The following UBN1 variants were observed in gnomAD, a reference collection of about 807,000 sequenced individuals.
The protein encoded by UBN1 is ubinuclein 1, also known as ubinuclein-1.
UBN1 carries 17 observed loss-of-function variants against 108.5 expected under a neutral mutation model. That is an observed-to-expected ratio of 0.16 (90% CI 0.11 to 0.24). The LOEUF is 0.24. Ranked by LOEUF, UBN1 falls within the 10% of genes least tolerant of loss-of-function variation. UBN1 has a pLI of 1.00. For missense variants in UBN1, 1,595 were observed against 1,394.4 expected (o/e 1.14, Z -2.29); for synonymous variants, 726 against 564.2 (o/e 1.29, Z -4.07).
At chr16:4,866,404 A>G (rs1222940881) in intron 7 of UBN1, among the ~76,000 whole-genome samples, 2 of 152,240 alleles carry the variant, frequency 1.3e-5, no homozygotes. Context: ...GCCGTTTTAC[A>G]GTAGTATCTT....
In UBN1 at chr16:4,877,225, A is replaced by G; in HGVS notation, c.3265+114A>G. ...TGAGTCTGGTGTGTGACTGTGGGGAACATCTCCGGGAACTGTGCCAAGCCC... is the reference window on the plus strand; with the variant it reads ...TGAGTCTGGTGTGTGACTGTGGGGAGCATCTCCGGGAACTGTGCCAAGCCC... On this transcript the variant is annotated intron_variant, in intron 16 of 17. Transcript: ENST00000262376. This position sits in a 1 kb window ranked among gnomAD's most constrained non-coding sequence, Gnocchi z 4.3. 3.3e-6 allele frequency: 5 copies of G among 1,515,308 alleles called. No homozygotes were observed. The highest frequency in any genetic ancestry group is 1.3e-5 in the South Asian group (1 of 76,964). 93.9% of individuals were successfully genotyped at this position (1,515,308 alleles called of 1,614,324 possible).
rs1270662413 is a variant in UBN1 at position 4,872,871 on chromosome 16, C to G, written c.1707-13C>G. The G allele has an allele frequency of 1.9e-6, 3 of 1,614,086 alleles. No homozygotes were observed. Among genetic ancestry groups the G allele is most frequent in the African/African-American group, 2.7e-5 (2 of 74,930 alleles). On this transcript the variant is annotated splice_polypyrimidine_tract_variant and intron_variant, in intron 12 of 17. Coordinates refer to ENST00000262376, the MANE Select transcript of UBN1 (RefSeq NM_001079514.3). Reference sequence around the variant, plus strand: ...GGGGCATGTACAGATGCCTGGTGTTCTGTGTCTTTCAGAACTCTGTTTAAG... The same window carrying G: ...GGGGCATGTACAGATGCCTGGTGTTGTGTGTCTTTCAGAACTCTGTTTAAG...
rs12444761 is a variant in UBN1 at position 4,877,284 on chromosome 16, C to A, written c.3266-101C>A. The A allele has an allele frequency of 2.3e-5, 35 of 1,529,328 alleles. No homozygotes were observed. The highest frequency in any genetic ancestry group is 3.1e-5 in the Non-Finnish European group (35 of 1,133,098). 94.7% of individuals were successfully genotyped at this position (1,529,328 alleles called of 1,614,324 possible). A position where few individuals can be genotyped will look rare whatever the true frequency, so the allele number is the denominator to read the frequency against. On this transcript the variant is annotated intron_variant, in intron 16 of 17. Transcript: ENST00000262376. This position sits in a 1 kb window ranked among gnomAD's most constrained non-coding sequence, Gnocchi z 4.3. ...CCTTTGGGTGTGGTGCCCAGACTGG[C>A]CTGGCAGGTTATCGGGGGCTTTTGG...
At chr16:4,870,370 G>A in intron 9 of UBN1, 29 bp downstream of exon 9, 3 of 1,613,260 alleles carry the variant, frequency 1.9e-6, no homozygotes, top group Non-Finnish European at 2.5e-6. Context: ...AAGCCCTTTG[G>A]CTTTGGGGTC....
At position 4,853,315 on chromosome 16, in the gene UBN1, TG is replaced by T. The variant is rs1029014451; in HGVS notation, c.249+150del. On this transcript the variant is annotated intron_variant, in intron 2 of 17. Transcript: ENST00000262376. ...ACTCACTCAAGGCAAGCACAAGATT[TG>T]CTTCTCTTACCTCTGTGCGCAAAGG... 87 of 1,124,440 alleles carry T rather than the reference TG, an allele frequency of 7.7e-5. No individual in the cohort carries two copies. The African/African-American group carries it at 1.3e-3, about 16-fold the overall frequency. 69.7% of individuals were successfully genotyped at this position (1,124,440 alleles called of 1,614,324 possible).
In UBN1 at chr16:4,874,668, A is replaced by C; in HGVS notation, c.2258A>C (p.Lys753Thr). Residue 753 changes from lysine to threonine, a missense_variant, in exon 15 of 18, where the codon AAA (lysine) becomes ACA (threonine). Coordinates refer to ENST00000262376, the MANE Select transcript of UBN1 (RefSeq NM_001079514.3). ...ALALGQSSQEKKPESSGYKEL... is the reference protein window; with the variant it reads ...ALALGQSSQETKPESSGYKEL... ...GCACTGGGGCAGTCCTCTCAGGAGAAAAAACCAGAGAGTTCTGGCTACAAA... is the reference window on the plus strand; with the variant it reads ...GCACTGGGGCAGTCCTCTCAGGAGACAAAACCAGAGAGTTCTGGCTACAAA... 1 of 1,614,208 alleles carries C rather than the reference A, an allele frequency of 6.2e-7. No homozygotes were observed. Among genetic ancestry groups the C allele is most frequent in the Non-Finnish European group, 8.5e-7 (1 of 1,180,038 alleles).
intron 1 of UBN1, among the ~76,000 whole-genome samples, chr16:4,852,043 A>C (rs180728252): frequency 5.6e-4 from 85 of 152,294 alleles, no homozygotes; most frequent in African/African-American, 2.0e-3. Context: ...TTTGATTGTC[A>C]TTTTGGTTGC....
intron 7 of UBN1, among the ~76,000 whole-genome samples, chr16:4,864,297 T>C (rs966490548): frequency 1.3e-5 from 2 of 152,124 alleles, no homozygotes; most frequent in African/African-American, 2.4e-5. Flanking sequence ...CAGATTCTTA[T>C]CCCATGTGTA....
chr16:4,857,918 C>T, intron 2 of UBN1, 72 bp from the exon 3 acceptor site: 2 of 1,110,804 alleles, frequency 1.8e-6, no homozygotes, highest in Admixed American at 2.1e-5. Context: ...ATTGAGTAAT[C>T]AGTGAAGTTT....
chr16:4,854,863 C>G (rs991447301), intron 2 of UBN1, among the ~76,000 whole-genome samples: 16 of 152,058 alleles, frequency 1.1e-4, no homozygotes, highest in African/African-American at 3.9e-4. Flanking sequence ...GCTGGGACTA[C>G]AGGCGCCCGC....
chr16:4,869,503 C>T (rs1376095440), intron 8 of UBN1, among the ~76,000 whole-genome samples: 1 of 152,316 alleles, frequency 6.6e-6, no homozygotes, highest in African/African-American at 2.4e-5. Context: ...CGCTTTTCTC[C>T]TGGTTGCAGT....
rs539541923 is a variant in UBN1, at chr16:4,872,926, T to G, written c.1749T>G (p.Thr583=). Residue 583 remains threonine, a synonymous_variant, in exon 13 of 18, where the codon ACT becomes ACG. Coordinates refer to ENST00000262376, the MANE Select transcript of UBN1 (RefSeq NM_001079514.3). ...GCAGACGAGGCCATGGGCACCTGAC[T>G]TCAATCCTGTGAGTGTCTTGGTATT... ...KESRRGHGHL[T]SILAKKKVMA... The G allele has an allele frequency of 1.9e-6, 3 of 1,614,234 alleles. No individual in the cohort carries two copies. The highest frequency in any genetic ancestry group is 1.3e-5 in the African/African-American group (1 of 75,064).
In UBN1 at chr16:4,881,534, T is replaced by C. The variant is rs2088075514; in HGVS notation, c.*1402T>C. 6.6e-6 allele frequency: 1 copy of C among 152,170 alleles called. No homozygotes were observed. Among genetic ancestry groups the C allele is most frequent in the Non-Finnish European group, 1.5e-5 (1 of 68,044 alleles). 9.4% of individuals were successfully genotyped at this position (152,170 alleles called of 1,614,324 possible). ...ATACGGTGTCCTCAGCACATACACC[T>C]GTGGGAAAACGGACCGCTCTTGGCT... On this transcript the variant is annotated 3_prime_UTR_variant, in exon 18 of 18. Transcript: ENST00000262376.
At chr16:4,879,211 ACT>A (rs1440725199) in intron 17 of UBN1, among the ~76,000 whole-genome samples, 11 of 152,120 alleles carry the variant, frequency 7.2e-5, no homozygotes, top group Non-Finnish European at 1.5e-4. Flanking sequence ...TATGCTAATA[ACT>A]CTAACGTGAC....
intron 14 of UBN1, 25 bp from the exon 15 acceptor site, chr16:4,874,186 C>A: frequency 6.6e-7 from 1 of 1,523,748 alleles, no homozygotes; most frequent in Non-Finnish European, 8.8e-7. Context: ...CCTTTCTAAA[C>A]ATCAACATTT....
At position 4,875,201 on chromosome 16, in the gene UBN1, G is replaced by C; in HGVS notation, c.2791G>C (p.Gly931Arg). The C allele has an allele frequency of 6.2e-7, 1 of 1,614,224 alleles. No individual in the cohort carries two copies. Among genetic ancestry groups the C allele is most frequent in the South Asian group, 1.1e-5 (1 of 91,090 alleles). The change falls in exon 15 of 18, where the codon GGG becomes CGG. Residue 931 changes from glycine to arginine, a missense_variant. Transcript: ENST00000262376. ...GGTPVQSSVS[G>R]SLVPGIQPPS... is the part of the protein sequence containing the mutation. ...AACACCAGTCCAGAGTTCTGTTTCT[G>C]GGAGCCTGGTCCCTGGCATACAGCC...
At chr16:4,866,853 G>C (rs1033050892) in intron 7 of UBN1, among the ~76,000 whole-genome samples, 5 of 152,210 alleles carry the variant, frequency 3.3e-5, no homozygotes, top group African/African-American at 1.2e-4. Context: ...TACATAAATG[G>C]ACCCGATAGA....
At chr16:4,870,775 T>C (rs1293020570) in intron 10 of UBN1, 69 bp from the exon 11 acceptor site, 7 of 1,604,582 alleles carry the variant, frequency 4.4e-6, no homozygotes, top group Non-Finnish European at 5.1e-6. Flanking sequence ...GTCCCAGTAG[T>C]GCAGAGTGAG....
intron 1 of UBN1, among the ~76,000 whole-genome samples, chr16:4,849,628 G>C (rs903845499): frequency 2.0e-5 from 3 of 150,396 alleles, no homozygotes; most frequent in Non-Finnish European, 4.4e-5. Context: ...TTTCACTCTT[G>C]TCGCCCAGGC....
Sources: gnomAD v4.1 joint callset for allele counts (sites outside exome capture counted in the v4.1 genomes callset) on GRCh38, gnomAD v4.1.1 for gene constraint, Gnocchi (gnomAD v3.1) non-coding constraint, MANE v1.5 for transcripts, NCBI Gene and HGNC (gene_info 2026-07-23, HGNC 2026-07-21) for gene names.